The following PHF19 variants were observed in gnomAD, a reference collection of about 807,000 sequenced individuals.
PHF19 encodes the protein polycomb like 3.
PHF19 carries 21 observed loss-of-function variants against 79.8 expected under a neutral mutation model. That is an observed-to-expected ratio of 0.26 (90% confidence interval 0.19 to 0.38). PHF19 has a LOEUF of 0.38. Ranked by LOEUF, PHF19 falls within the 10% of genes least tolerant of loss-of-function variation. The pLI, the probability that PHF19 is intolerant of heterozygous loss-of-function variation, is 1.00. For synonymous variants in PHF19, 273 were observed against 296.3 expected (o/e 0.92, Z 0.81); for missense variants, 445 against 744.2 (o/e 0.60, Z 4.68).
chr9:120,899,605 G>A (rs891260901), upstream of PHF19, among the ~76,000 whole-genome samples: 1 of 152,186 alleles, frequency 6.6e-6, no homozygotes, highest in Admixed American at 6.5e-5. Context: ...ACATGGTGAA[G>A]TTAGAATTTT....
At chr9:120,890,928 T>C (rs2046334109) in intron 1 of PHF19, among the ~76,000 whole-genome samples, 1 of 152,196 alleles carries the variant, frequency 6.6e-6, no homozygotes, top group South Asian at 2.1e-4. Context: ...CTCACCTGTG[T>C]AGCCTCTTCT....
intron 1 of PHF19, chr9:120,894,754 G>A (rs2046385075): frequency 1.7e-6 from 2 of 1,191,924 alleles, no homozygotes; most frequent in East Asian, 3.2e-5. Context: ...CCTCGCGCCC[G>A]CCCCGCGGGT....
At chr9:120,877,294 A>C, upstream of PHF19, 1 of 957,108 alleles carries the variant, frequency 1.0e-6, no homozygotes, top group Non-Finnish European at 1.2e-6. Flanking sequence ...GGCGCTCAGG[A>C]AGGGGCCCCC....
chr9:120,901,845 A>G, the PHF19 span, among the ~76,000 whole-genome samples: 104,355 of 151,998 alleles, frequency 0.69, 36,113 homozygotes, highest in South Asian at 0.82. Flanking sequence ...CGTTGGGGGC[A>G]AAAGGTGTGA....
intron 12 of PHF19, among the ~76,000 whole-genome samples, chr9:120,861,652 C>T (rs1236739150): frequency 6.6e-6 from 1 of 152,064 alleles, no homozygotes; most frequent in African/African-American, 2.4e-5. Flanking sequence ...AAGTCACTGC[C>T]CCACCCTTCC....
In PHF19 at chr9:120,860,015, G is replaced by A; in HGVS notation, c.1400+75C>T. 1 of 772,170 alleles carries A rather than the reference G, an allele frequency of 1.3e-6. No homozygotes were observed. Among genetic ancestry groups the A allele is most frequent in the South Asian group, 1.5e-5 (1 of 68,108 alleles). The allele number at this position is 772,170 out of a possible 1,614,324, so 47.8% of individuals were successfully genotyped here. ...CACATAGAATGAGCCACACATTACA[G>A]AAGTGGGAGGTGGAGGGGCTGAGAG... On this transcript the variant is annotated intron_variant, in intron 14 of 14. Transcript: ENST00000373896. The surrounding 1 kb of genome is among the most constrained non-coding windows in gnomAD (Gnocchi z 4.1).
chr9:120,895,117 C>G (rs984580243), upstream of PHF19, among the ~76,000 whole-genome samples: 1 of 152,192 alleles, frequency 6.6e-6, no homozygotes, highest in South Asian at 2.1e-4. Context: ...CAAAGTCACA[C>G]AGGTAGCAAG....
chr9:120,860,142 C>T lies in PHF19; in HGVS notation c.1348G>A (p.Asp450Asn), dbSNP rs1294666999. The T allele has an allele frequency of 5.6e-6, 9 of 1,599,958 alleles. No homozygotes were observed. The highest frequency in any genetic ancestry group is 7.7e-6 in the Non-Finnish European group (9 of 1,173,220). ...QTFFSDVDST[D>N]AASTSGSAST... ...GCAGAGCCAGAGGTGCTGGCAGCGT[C>T]GGTGGAGTCGACATCTGAGAAGAAG... The change falls in exon 14 of 15, where the codon GAC becomes AAC. Residue 450 changes from aspartate to asparagine, a missense_variant. This residue lies in a region of PHF19 where 125 missense variants were observed against 180.5 expected (regional missense o/e 0.69). Coordinates refer to ENST00000373896, the MANE Select transcript of PHF19 (RefSeq NM_015651.3). The surrounding 1 kb of genome is among the most constrained non-coding windows in gnomAD (Gnocchi z 4.1).
rs963021228 is a variant in PHF19, at chr9:120,865,978, G to C, written c.779+50C>G. ...ATTGTTCCAGGAGGGAGGAGGGAGG[G>C]GAGAAGCTGGGAGGAGCAGCGGTGG... On this transcript the variant is annotated intron_variant, in intron 8 of 14. Transcript: ENST00000373896. 5.1e-6 allele frequency: 8 copies of C among 1,562,564 alleles called. No homozygotes were observed. The Admixed American group carries it at 6.7e-5, about 13-fold the overall frequency.
the PHF19 span, among the ~76,000 whole-genome samples, chr9:120,901,286 G>A: frequency 6.7e-4 from 102 of 152,120 alleles, no homozygotes; most frequent in Non-Finnish European, 3.1e-4. Context: ...TCTGCCTTCC[G>A]GGTTCAAGCA....
Position 120,874,102 on chromosome 9 carries a change from GA to G in PHF19, c.187-43del. On this transcript the variant is annotated intron_variant, in intron 2 of 14. Coordinates refer to ENST00000373896, the MANE Select transcript of PHF19 (RefSeq NM_015651.3). This position sits in a 1 kb window ranked among gnomAD's most constrained non-coding sequence, Gnocchi z 4.5. Reference sequence around the variant, plus strand: ...AAGGAGCAAGTGAGAAAGGGCTGGGGAAAAGCCAACCTGGAACATAGTCTTC... The same window carrying G: ...AAGGAGCAAGTGAGAAAGGGCTGGGGAAAGCCAACCTGGAACATAGTCTTC... 2 of 1,085,964 alleles carry G rather than the reference GA, an allele frequency of 1.8e-6. No individual in the cohort carries two copies. The highest frequency in any genetic ancestry group is 2.8e-6 in the Non-Finnish European group (2 of 711,262). The allele number at this position is 1,085,964 out of a possible 1,614,324, so 67.3% of individuals were successfully genotyped here. A position where few individuals can be genotyped will look rare whatever the true frequency, so the allele number is the denominator to read the frequency against.
At chr9:120,872,860 G>A (rs994797289) in intron 3 of PHF19, among the ~76,000 whole-genome samples, 4 of 151,864 alleles carry the variant, frequency 2.6e-5, no homozygotes, top group African/African-American at 9.7e-5. Context: ...GACGTCAGGC[G>A]ATTCACCCAC....
chr9:120,876,957 A>T, intron 1 of PHF19, 134 bp downstream of exon 1: 1 of 897,302 alleles, frequency 1.1e-6, no homozygotes, highest in Non-Finnish European at 1.3e-6. Flanking sequence ...CACCCCCGAG[A>T]GCCCCGCTCC....
intron 1 of PHF19, among the ~76,000 whole-genome samples, chr9:120,887,621 AACACAC>A (rs764204141): frequency 1.8e-4 from 20 of 113,590 alleles, no homozygotes; most frequent in East Asian, 8.1e-4. Context: ...TTTATGAACA[AACACAC>A]ACACACACAC....
Position 120,866,847 on chromosome 9 carries a change from A to G in PHF19, c.710+23T>C, listed in dbSNP as rs761748876. 11 of 1,428,316 alleles carry G rather than the reference A, an allele frequency of 7.7e-6. No homozygotes were observed. The South Asian group carries it at 1.0e-4, about 13-fold the overall frequency. 88.5% of individuals were successfully genotyped at this position (1,428,316 alleles called of 1,614,324 possible). A position where few individuals can be genotyped will look rare whatever the true frequency, so the allele number is the denominator to read the frequency against. On this transcript the variant is annotated intron_variant, in intron 7 of 14. Coordinates refer to ENST00000373896, the MANE Select transcript of PHF19 (RefSeq NM_015651.3). This position sits in a 1 kb window ranked among gnomAD's most constrained non-coding sequence, Gnocchi z 5.2. Reference sequence around the variant, plus strand: ...CCTCTCCCCACCACGCCCAAGGCCCACTTGGACCAAATTAGCACCTACCGG... The same window carrying G: ...CCTCTCCCCACCACGCCCAAGGCCCGCTTGGACCAAATTAGCACCTACCGG...
At chr9:120,868,769 AC>A in intron 6 of PHF19, 1 of 849,770 alleles carries the variant, frequency 1.2e-6, no homozygotes, top group Non-Finnish European at 1.4e-6. Flanking sequence ...CCTCCTCCCC[AC>A]CCCGCCCCTC....
rs148803149 is a variant in PHF19 at position 120,858,222 on chromosome 9, G to C, written c.1465C>G (p.Arg489Gly). 4 of 1,576,378 alleles carry C rather than the reference G, an allele frequency of 2.5e-6. No homozygotes were observed. The highest frequency in any genetic ancestry group is 1.3e-5 in the African/African-American group (1 of 74,334). The change falls in exon 15 of 15, where the codon CGG becomes GGG. Residue 489 changes from arginine to glycine, a missense_variant. Physicochemically the swap from Arg to Gly is moderately radical, Grantham distance 125 (BLOSUM62 -2). Transcript: ENST00000373896. Reference sequence around the variant, plus strand: ...CGTCCATCCAGCTCAGCTGCCCACCGCTTTGCCCGCAGGGGCATGTATGCC... The same window carrying C: ...CGTCCATCCAGCTCAGCTGCCCACCCCTTTGCCCGCAGGGGCATGTATGCC... ...AKAYMPLRAK[R>G]WAAELDGRCP...
In PHF19 at chr9:120,862,946, C is replaced by T. The variant is rs1414365352; in HGVS notation, c.969-197G>A. The T allele has an allele frequency of 5.1e-6, 3 of 582,810 alleles. No homozygotes were observed. The highest frequency in any genetic ancestry group is 9.2e-6 in the Non-Finnish European group (3 of 325,100). The allele number at this position is 582,810 out of a possible 1,614,324, so 36.1% of individuals were successfully genotyped here. Reference sequence around the variant, plus strand: ...TAGCAGCTGAGAACACGGCTGGTGCCTCCTCCCTGTGCTTCCTCCTGCATG... The same window carrying T: ...TAGCAGCTGAGAACACGGCTGGTGCTTCCTCCCTGTGCTTCCTCCTGCATG... On this transcript the variant is annotated intron_variant, in intron 10 of 14. Coordinates refer to ENST00000373896, the MANE Select transcript of PHF19 (RefSeq NM_015651.3). This position sits in a 1 kb window ranked among gnomAD's most constrained non-coding sequence, Gnocchi z 4.6.
At chr9:120,865,669 C>G (rs1277523644) in intron 9 of PHF19, 41 bp downstream of exon 9, 27 of 1,612,878 alleles carry the variant, frequency 1.7e-5, no homozygotes, top group Non-Finnish European at 2.3e-5. Flanking sequence ...CTGGGCAAAC[C>G]TCTCTGCCTC....
Sources: gnomAD v4.1 joint callset for allele counts (sites outside exome capture counted in the v4.1 genomes callset) on GRCh38, gnomAD v4.1.1 for gene constraint, gnomAD v4.1.1 regional missense constraint, Gnocchi (gnomAD v3.1) non-coding constraint, MANE v1.5 for transcripts, NCBI Gene and HGNC (gene_info 2026-07-23, HGNC 2026-07-21) for gene names.